Variants in GSTO1 observed in about 807,000 individuals in gnomAD.
GSTO1 encodes the protein glutathione S-transferase omega-1.
GSTO1 carries 27 observed loss-of-function variants against 23.8 expected under a neutral mutation model. The observed-to-expected ratio is 1.13, with a 90% CI of 0.83 to 1.56. The LOEUF (loss-of-function observed/expected upper bound fraction) is 1.56, where lower values mean the gene tolerates loss of function less well. GSTO1 is among the 40% of genes most tolerant of loss of function. The probability of loss-of-function intolerance (pLI) is 0.00; values close to 1 mark genes in which losing one functional copy is unlikely to be tolerated. For missense variants in GSTO1, 255 were observed against 285.8 expected, an observed-to-expected ratio of 0.89 and a Z score of 0.78; for synonymous variants, 105 against 109.3, an observed-to-expected ratio of 0.96 and a Z score of 0.25.
In GSTO1 at chr10:104,262,867, G is replaced by A. The variant is rs45508299; in HGVS notation, c.367-112G>A. Reference sequence around the variant, plus strand: ...CGCAGGAACTTGATGCACCCTTGGTGTTTCTAGAACACCTTGACACCAGGA... The same window carrying A: ...CGCAGGAACTTGATGCACCCTTGGTATTTCTAGAACACCTTGACACCAGGA... On this transcript the variant is annotated intron_variant, in intron 3 of 5. Coordinates refer to ENST00000369713, the MANE Select transcript of GSTO1 (RefSeq NM_004832.3). 14 of 555,682 alleles carry A rather than the reference G, an allele frequency of 2.5e-5. No individual in the cohort carries two copies. In the Admixed American group the frequency reaches 3.9e-4, roughly 16 times the overall value. The allele number at this position is 555,682 out of a possible 1,614,324, so 34.4% of individuals were successfully genotyped here.
chr10:104,265,673 G>C (rs1032376019), intron 4 of GSTO1, among the ~76,000 whole-genome samples: 3 of 152,188 alleles, frequency 2.0e-5, no homozygotes, highest in Non-Finnish European at 4.4e-5. Flanking sequence ...TTTCCCTAAT[G>C]ACTAATGCAG....
chr10:104,267,213 G>A, intron 5 of GSTO1, 39 bp from the exon 6 acceptor site: 2 of 1,473,336 alleles, frequency 1.4e-6, no homozygotes, highest in Non-Finnish European at 1.9e-6. Flanking sequence ...CATCCTAGTT[G>A]ACCTAGCTCA....
At chr10:104,261,822 G>A (rs901269421) in intron 3 of GSTO1, among the ~76,000 whole-genome samples, 4 of 152,128 alleles carry the variant, frequency 2.6e-5, no homozygotes, top group East Asian at 1.9e-4. Context: ...GGACTTCTGC[G>A]TCTTGCAATA....
At chr10:104,255,109 C>CG (rs1478860981) in intron 1 of GSTO1, 54 bp from the exon 2 acceptor site, 19 of 1,468,078 alleles carry the variant, frequency 1.3e-5, no homozygotes, top group East Asian at 2.3e-5. Flanking sequence ...CGGTGGGATA[C>CG]GGGGGGTCTC....
At chr10:104,262,899 G>C (rs2011150329) in intron 3 of GSTO1, 80 bp from the exon 4 acceptor site, 2 of 673,282 alleles carry the variant, frequency 3.0e-6, no homozygotes, top group South Asian at 1.8e-5. Flanking sequence ...AGGACTGTAA[G>C]GGTTCTACCA....
At chr10:104,254,990 G>T (rs1365795293) in intron 1 of GSTO1, 28 bp downstream of exon 1, 1 of 1,594,608 alleles carries the variant, frequency 6.3e-7, no homozygotes. Flanking sequence ...CGAAGAGGGG[G>T]TGATCTCGGC....
intron 3 of GSTO1, among the ~76,000 whole-genome samples, chr10:104,261,070 T>A (rs1321781900): frequency 8.5e-5 from 13 of 152,196 alleles, no homozygotes. Flanking sequence ...TCTGGAAAAC[T>A]TTTTTTAGTA....
chr10:104,260,702 T>C (rs1318644830), intron 3 of GSTO1, among the ~76,000 whole-genome samples: 1 of 152,182 alleles, frequency 6.6e-6, no homozygotes, highest in Non-Finnish European at 1.5e-5. Flanking sequence ...ATTGTCACCT[T>C]GGTAGTACGG....
chr10:104,265,840 T>G (rs1459847425), intron 4 of GSTO1, among the ~76,000 whole-genome samples: 1 of 152,254 alleles, frequency 6.6e-6, no homozygotes, highest in African/African-American at 2.4e-5. Context: ...ATTACAAATA[T>G]GTTGTACTCT....
At chr10:104,256,728 T>C (rs1192351287) in intron 2 of GSTO1, among the ~76,000 whole-genome samples, 2 of 152,192 alleles carry the variant, frequency 1.3e-5, no homozygotes, top group African/African-American at 2.4e-5. Context: ...TGTAGACTTG[T>C]TGGCTCACAA....
At chr10:104,266,503 G>A (rs560174380) in intron 5 of GSTO1, among the ~76,000 whole-genome samples, 1 of 152,332 alleles carries the variant, frequency 6.6e-6, no homozygotes, top group African/African-American at 2.4e-5. Context: ...TCGGGAGGCC[G>A]AGACGGGTGG....
intron 4 of GSTO1, among the ~76,000 whole-genome samples, chr10:104,265,836 A>G (rs143252543): frequency 1.3e-5 from 2 of 152,306 alleles, no homozygotes; most frequent in East Asian, 1.9e-4. Flanking sequence ...TTGTATTACA[A>G]ATATGTTGTA....
At position 104,254,960 on chromosome 10, in the gene GSTO1, A is replaced by C; in HGVS notation, c.32A>C (p.Lys11Thr). Residue 11 changes from lysine to threonine, a missense_variant and splice_region_variant, in exon 1 of 6, where the codon AAG becomes ACG. Coordinates refer to ENST00000369713, the MANE Select transcript of GSTO1 (RefSeq NM_004832.3). ...GGGGAGTCAGCCAGGAGCTTGGGGA[A>C]GGGTGAGGCCTGCCCGCCGCGAAGA... Reference protein sequence around the residue: MSGESARSLGKGSAPPGPVPE... With the variant: MSGESARSLGTGSAPPGPVPE... The C allele has an allele frequency of 6.2e-7, 1 of 1,609,458 alleles. No homozygotes were observed. The highest frequency in any genetic ancestry group is 8.5e-7 in the Non-Finnish European group (1 of 1,178,470).
At chr10:104,259,904 G>A (rs1199510190) in intron 3 of GSTO1, 106 bp downstream of exon 3, 4 of 723,658 alleles carry the variant, frequency 5.5e-6, no homozygotes, top group Non-Finnish European at 9.7e-6. Flanking sequence ...AAACAAAACA[G>A]GAATATGCTT....
At chr10:104,264,697 T>C (rs1259944018) in intron 4 of GSTO1, among the ~76,000 whole-genome samples, 2 of 152,176 alleles carry the variant, frequency 1.3e-5, no homozygotes, top group African/African-American at 2.4e-5. Context: ...GCTGAAAATA[T>C]CATAAGTGGA....
At chr10:104,259,839 G>A (rs1423376576) in intron 3 of GSTO1, 41 bp downstream of exon 3, 2 of 1,344,930 alleles carry the variant, frequency 1.5e-6, no homozygotes, top group Non-Finnish European at 2.1e-6. Context: ...TGAAAAACCT[G>A]TTTTTTAAAG....
intron 2 of GSTO1, 77 bp downstream of exon 2, chr10:104,255,348 G>T (rs1005715411): frequency 1.4e-4 from 123 of 906,892 alleles, no homozygotes; most frequent in Middle Eastern, 8.8e-4. Context: ...TGGGGTCTCA[G>T]CCCCCTTCTA....
In GSTO1 at chr10:104,259,606, T is replaced by C; in HGVS notation, c.174T>C (p.Asn58=). 6.2e-7 allele frequency: 1 copy of C among 1,612,688 alleles called. No homozygotes were observed. The highest frequency in any genetic ancestry group is 8.5e-7 in the Non-Finnish European group (1 of 1,178,752). The change falls in exon 3 of 6, where the codon AAT becomes AAC. Residue 58 remains asparagine, a synonymous_variant. Transcript: ENST00000369713. ...AAGTCATCAATATCAACCTGAAAAA[T>C]AAGCCTGAGTGGTTCTTTAAGAAAA... ...RHEVININLK[N]KPEWFFKKNP...
intron 5 of GSTO1, among the ~76,000 whole-genome samples, chr10:104,266,668 C>G (rs1299236817): frequency 1.3e-5 from 2 of 151,012 alleles, no homozygotes; most frequent in African/African-American, 4.9e-5. Flanking sequence ...ACCCGGGAGG[C>G]AGTTGCAGTG....
Sources: gnomAD v4.1 joint callset for allele counts (sites outside exome capture counted in the v4.1 genomes callset) on GRCh38, gnomAD v4.1.1 for gene constraint, MANE v1.5 for transcripts, NCBI Gene and HGNC (gene_info 2026-07-23, HGNC 2026-07-21) for gene names.